The following NALF1 variants were observed in gnomAD, a reference collection of about 807,000 sequenced individuals.
NALF1 encodes family with sequence similarity 155 member A.
Under a neutral mutation model 48.4 loss-of-function variants are expected in NALF1, and 3 were observed. That is an observed-to-expected ratio of 0.06 (90% CI 0.03 to 0.16). The LOEUF (loss-of-function observed/expected upper bound fraction) is 0.16, where lower values mean the gene tolerates loss of function less well. Ranked by LOEUF, NALF1 falls within the 10% of genes least tolerant of loss-of-function variation. The pLI, the probability that NALF1 is intolerant of heterozygous loss-of-function variation, is 1.00. For missense variants in NALF1, 526 were observed against 571.5 expected (o/e 0.92, Z 0.81); for synonymous variants, 262 against 245.7 (o/e 1.07, Z -0.62).
intron 1 of NALF1, among the ~76,000 whole-genome samples, chr13:107,587,998 T>C (rs1418305658): frequency 6.6e-6 from 1 of 152,104 alleles, no homozygotes; most frequent in Non-Finnish European, 1.5e-5. Flanking sequence ...TTATGAATAT[T>C]CTCTTGCTTA....
At chr13:107,629,389 T>A (rs891865939) in intron 1 of NALF1, among the ~76,000 whole-genome samples, 2 of 152,162 alleles carry the variant, frequency 1.3e-5, no homozygotes, top group African/African-American at 4.8e-5. Context: ...TTGTTCTCTA[T>A]GGCATGGAAT....
intron 1 of NALF1, among the ~76,000 whole-genome samples, chr13:107,498,411 T>C (rs937392798): frequency 6.6e-6 from 1 of 152,172 alleles, no homozygotes; most frequent in Admixed American, 6.6e-5. Flanking sequence ...CCTGGAGATG[T>C]CTGCTTTCCT....
intron 1 of NALF1, among the ~76,000 whole-genome samples, chr13:107,692,494 T>C (rs1038979254): frequency 2.0e-5 from 3 of 152,224 alleles, no homozygotes; most frequent in Non-Finnish European, 4.4e-5. Context: ...ATTGACTTTA[T>C]ATTATGCCAA....
At chr13:107,342,730 A>G (rs767045535) in intron 1 of NALF1, among the ~76,000 whole-genome samples, 4 of 152,196 alleles carry the variant, frequency 2.6e-5, no homozygotes, top group Non-Finnish European at 5.9e-5. Flanking sequence ...TGGTAACTAT[A>G]AATAAAACAC....
chr13:107,818,072 C>G (rs1422721966), intron 1 of NALF1, among the ~76,000 whole-genome samples: 1 of 152,146 alleles, frequency 6.6e-6, no homozygotes, highest in Non-Finnish European at 1.5e-5. Flanking sequence ...TCAGGTCATA[C>G]GGTAACCAAT....
intron 1 of NALF1, among the ~76,000 whole-genome samples, chr13:107,777,440 T>C (rs1877768147): frequency 6.6e-6 from 1 of 152,342 alleles, no homozygotes; most frequent in South Asian, 2.1e-4. Context: ...AGGGCCAGCC[T>C]GGTGGGAGGT....
At chr13:107,311,136 G>T (rs1306471285) in intron 1 of NALF1, among the ~76,000 whole-genome samples, 1 of 152,066 alleles carries the variant, frequency 6.6e-6, no homozygotes, top group South Asian at 2.1e-4. Context: ...CTCCTCAGCT[G>T]TTCCCATCTC....
At chr13:107,764,212 A>T (rs1243336361) in intron 1 of NALF1, among the ~76,000 whole-genome samples, 3 of 152,150 alleles carry the variant, frequency 2.0e-5, no homozygotes, top group Non-Finnish European at 4.4e-5. Context: ...CTTATTTCAA[A>T]ATTAAGTAGG....
At chr13:107,206,741 G>T (rs1241596353) in intron 2 of NALF1, among the ~76,000 whole-genome samples, 2 of 152,168 alleles carry the variant, frequency 1.3e-5, no homozygotes, top group African/African-American at 4.8e-5. Context: ...CCATGCCACT[G>T]GTTTGTCACT....
chr13:107,421,790 C>T (rs964453744), intron 1 of NALF1, among the ~76,000 whole-genome samples: 1 of 152,048 alleles, frequency 6.6e-6, no homozygotes, highest in African/African-American at 2.4e-5. Flanking sequence ...AATTTTTGAC[C>T]TTTCTTCTTT....
At chr13:107,765,291 C>A (rs76409848) in intron 1 of NALF1, among the ~76,000 whole-genome samples, 223 of 152,152 alleles carry the variant, frequency 1.5e-3, no homozygotes, top group African/African-American at 4.0e-3. Context: ...CATAAATATC[C>A]AATTCAAAGA....
In NALF1 at chr13:107,820,874, C is replaced by T. The variant is rs187800968; in HGVS notation, c.915+44808G>A. On this transcript the variant is annotated intron_variant, in intron 1 of 2. Coordinates refer to ENST00000375915, the MANE Select transcript of NALF1 (RefSeq NM_001080396.3). Reference sequence around the variant, plus strand: ...TTAGAAACCCGGCAGCAAAATGCCCCTGCCATGTATTTATTCCAGGTATTG... The same window carrying T: ...TTAGAAACCCGGCAGCAAAATGCCCTTGCCATGTATTTATTCCAGGTATTG... Among the ~76,000 whole-genome samples, 661 of 152,288 alleles carry T rather than the reference C, an allele frequency of 4.3e-3. 5 individuals are homozygous for T. The highest frequency in any genetic ancestry group is 0.015 in the African/African-American group (640 of 41,548).
At chr13:107,628,502 T>G (rs1311625660) in intron 1 of NALF1, among the ~76,000 whole-genome samples, 2 of 152,156 alleles carry the variant, frequency 1.3e-5, no homozygotes, top group African/African-American at 4.8e-5. Flanking sequence ...GGCAAAATTA[T>G]TAGTTAGTAG....
At chr13:107,513,947 C>A (rs1277895056) in intron 1 of NALF1, among the ~76,000 whole-genome samples, 1 of 152,180 alleles carries the variant, frequency 6.6e-6, no homozygotes, top group Non-Finnish European at 1.5e-5. Flanking sequence ...CTGAAGACAA[C>A]TTTAGACCTT....
At chr13:107,418,322 TTAGTTCTGATGAAAAGGCTA>T (rs1884128539) in intron 1 of NALF1, among the ~76,000 whole-genome samples, 1 of 152,050 alleles carries the variant, frequency 6.6e-6, no homozygotes, top group African/African-American at 2.4e-5. Flanking sequence ...ACTTACTGCC[TTAGTTCTGATGAAAAGGCTA>T]TGGCAGAAGT....
intron 1 of NALF1, among the ~76,000 whole-genome samples, chr13:107,502,211 G>A (rs1473722826): frequency 6.6e-6 from 1 of 152,100 alleles, no homozygotes; most frequent in East Asian, 1.9e-4. Context: ...CCTATTAGTA[G>A]TGTAAGATTT....
chr13:107,642,369 G>A (rs765114101), intron 1 of NALF1, among the ~76,000 whole-genome samples: 4 of 152,174 alleles, frequency 2.6e-5, no homozygotes, highest in South Asian at 4.1e-4. Context: ...TCCAACAAAC[G>A]TTTAAGTCAA....
intron 1 of NALF1, among the ~76,000 whole-genome samples, chr13:107,649,526 G>A (rs1880395319): frequency 6.6e-6 from 1 of 152,134 alleles, no homozygotes; most frequent in Non-Finnish European, 1.5e-5. Context: ...GTCCTGGGTT[G>A]TAGAGTTAAT....
chr13:107,528,844 C>G (rs1359917220), intron 1 of NALF1, among the ~76,000 whole-genome samples: 2 of 152,032 alleles, frequency 1.3e-5, no homozygotes, highest in Admixed American at 6.6e-5. Context: ...GTTAAAGAAC[C>G]AAAGAGACCA....
Sources: gnomAD v4.1 joint callset for allele counts (sites outside exome capture counted in the v4.1 genomes callset) on GRCh38, gnomAD v4.1.1 for gene constraint, MANE v1.5 for transcripts, NCBI Gene and HGNC (gene_info 2026-07-23, HGNC 2026-07-21) for gene names.